TEX9: variants seen among roughly 807,000 people sequenced by gnomAD.
TEX9 encodes testis-expressed protein 9.
A neutral mutation model predicts 59.6 loss-of-function variants in TEX9; 74 were observed. The ratio of observed to expected loss-of-function variants is 1.24; its 90% confidence interval spans 1.03 to 1.51. The LOEUF (loss-of-function observed/expected upper bound fraction) is 1.51. TEX9 is among the 40% of genes most tolerant of loss of function. The pLI is 0.00. For missense variants in TEX9, 522 were observed against 447.8 expected, an observed-to-expected ratio of 1.17 and a Z score of -1.49; for synonymous variants, 186 against 152.2, an observed-to-expected ratio of 1.22 and a Z score of -1.64.
chr15:56,247,256 A>T lies in TEX9; in HGVS notation c.-107+2978A>T, dbSNP rs76060485. Among the ~76,000 whole-genome samples, 36 of 152,356 alleles carry T rather than the reference A, an allele frequency of 2.4e-4. No homozygotes were observed. In the East Asian group the frequency reaches 2.9e-3, roughly 12 times the overall value. Reference sequence around the variant, plus strand: ...AGTATTGGGCACGGAAAATATGAATAAATAAGACCTGGCCCCAACTTGAAG... The same window carrying T: ...AGTATTGGGCACGGAAAATATGAATTAATAAGACCTGGCCCCAACTTGAAG... On this transcript the variant is annotated intron_variant, in intron 1 of 5. Coordinates refer to the TEX9 transcript ENST00000560827.
At position 56,330,541 on chromosome 15, in the gene TEX9, T is replaced by C. The variant is rs147699873; in HGVS notation, c.-106-42900T>C. On this transcript the variant is annotated intron_variant, in intron 1 of 5. Coordinates refer to the TEX9 transcript ENST00000560827. The stretch of plus-strand genomic sequence containing the variant: ...AGGTAAAAAAGTAGAGGAACAAAAT[T>C]AGAAATTTTATTAGTTTTCTTTTTG... Among the ~76,000 whole-genome samples the C allele has an allele frequency of 2.9e-3, 440 of 152,178 alleles. 4 individuals carry two copies. Among genetic ancestry groups the C allele is most frequent in the African/African-American group, 0.01 (420 of 41,536 alleles).
chr15:56,320,227 T>C (rs975135037), intron 1 of TEX9, among the ~76,000 whole-genome samples: 9 of 152,250 alleles, frequency 5.9e-5, no homozygotes, highest in Admixed American at 2.0e-4. Flanking sequence ...TATTCTCTGC[T>C]GAAGTGTAAG....
rs546307291 is a variant in TEX9 at position 56,356,569 on chromosome 15, A to T, written c.-106-16872A>T. Among the ~76,000 whole-genome samples the T allele has an allele frequency of 2.7e-3, 412 of 152,204 alleles. 3 individuals carry two copies. The highest frequency in any genetic ancestry group is 9.5e-3 in the African/African-American group (396 of 41,526). On this transcript the variant is annotated intron_variant, in intron 1 of 5. Transcript: ENST00000560827. ...TCTCTTAGGTTTTATTTATCTAAAG[A>T]TATCTTTATTTCACCCTCATCTTGC...
At chr15:56,268,683 T>C (rs186786906) in intron 1 of TEX9, among the ~76,000 whole-genome samples, 10 of 152,310 alleles carry the variant, frequency 6.6e-5, no homozygotes, top group African/African-American at 2.2e-4. Flanking sequence ...GCCAACTTGA[T>C]CTCGGTGGAT....
chr15:56,399,825 G>C (rs1214886715), intron 9 of TEX9, among the ~76,000 whole-genome samples: 1 of 152,194 alleles, frequency 6.6e-6, no homozygotes, highest in Non-Finnish European at 1.5e-5. Context: ...GCCTCCGTGG[G>C]TGATACCCAG....
intron 10 of TEX9, among the ~76,000 whole-genome samples, chr15:56,426,123 A>G (rs2140271255): frequency 6.6e-6 from 1 of 152,256 alleles, no homozygotes; most frequent in South Asian, 2.1e-4. Context: ...AGTGGTACCA[A>G]CCACCTGTTT....
At chr15:56,335,672 A>T (rs2046243688) in intron 1 of TEX9, among the ~76,000 whole-genome samples, 2 of 152,208 alleles carry the variant, frequency 1.3e-5, no homozygotes, top group Non-Finnish European at 2.9e-5. Flanking sequence ...GGTAACACGA[A>T]GTACAAATGT....
At chr15:56,367,779 A>G (rs1164585617) in intron 2 of TEX9, among the ~76,000 whole-genome samples, 1 of 152,174 alleles carries the variant, frequency 6.6e-6, no homozygotes, top group Non-Finnish European at 1.5e-5. Context: ...GCTTCAAGGT[A>G]CTGAATAGTT....
At chr15:56,443,557 A>C in intron 12 of TEX9, 6 of 1,573,590 alleles carry the variant, frequency 3.8e-6, no homozygotes, top group Non-Finnish European at 5.2e-6. Flanking sequence ...TTTTTAAAAA[A>C]CATAAATATT....
At chr15:56,287,840 A>G (rs1444116007) in intron 1 of TEX9, among the ~76,000 whole-genome samples, 1 of 152,214 alleles carries the variant, frequency 6.6e-6, no homozygotes, top group Non-Finnish European at 1.5e-5. Flanking sequence ...ATGTTGTCAC[A>G]AATGACAGGG....
At chr15:56,263,042 G>A (rs1168371626) in intron 1 of TEX9, among the ~76,000 whole-genome samples, 2 of 151,754 alleles carry the variant, frequency 1.3e-5, no homozygotes, top group African/African-American at 2.4e-5. Context: ...TTTGTTTTTT[G>A]AGACGGAGTT....
the TEX9 span, among the ~76,000 whole-genome samples, chr15:56,454,324 T>C: frequency 6.6e-6 from 1 of 151,988 alleles, no homozygotes; most frequent in Non-Finnish European, 1.5e-5. Flanking sequence ...GGGGTATCCA[T>C]CCCCTCAAGC....
chr15:56,276,023 C>T (rs2044659387), intron 1 of TEX9, among the ~76,000 whole-genome samples: 1 of 152,048 alleles, frequency 6.6e-6, no homozygotes. Context: ...CCTGTTGCTT[C>T]TTTGAAGGCA....
At chr15:56,344,215 A>G (rs971452893) in intron 1 of TEX9, among the ~76,000 whole-genome samples, 4 of 152,350 alleles carry the variant, frequency 2.6e-5, no homozygotes, top group South Asian at 4.1e-4. Flanking sequence ...AAGCTTGCAC[A>G]TGAATGTTCA....
chr15:56,256,749 A>T (rs1021188273), intron 1 of TEX9, among the ~76,000 whole-genome samples: 57 of 152,192 alleles, frequency 3.7e-4, no homozygotes, highest in African/African-American at 1.3e-3. Flanking sequence ...ACTGAATTTA[A>T]GCTAATTTTT....
chr15:56,406,237 T>C lies in TEX9; in HGVS notation c.829-6065T>C, dbSNP rs559603098. Among the ~76,000 whole-genome samples, 4 of 152,278 alleles carry C rather than the reference T, an allele frequency of 2.6e-5. No individual in the cohort carries two copies. The East Asian group carries it at 7.7e-4, about 29-fold the overall frequency. ...TGGACTTTTGTATATCTGGCTATTT[T>C]TCTTCAGCATAACATTTTTAAGGTT... is the stretch of plus-strand genomic sequence containing the variant. On this transcript the variant is annotated intron_variant, in intron 9 of 12. Transcript: ENST00000352903.
intron 2 of TEX9, among the ~76,000 whole-genome samples, chr15:56,368,395 T>G (rs532705424): frequency 6.6e-6 from 1 of 152,112 alleles, no homozygotes; most frequent in Admixed American, 6.5e-5. Flanking sequence ...TCTCTACTTC[T>G]TTTCCTTTCT....
At chr15:56,284,027 A>C (rs1020899197) in intron 1 of TEX9, among the ~76,000 whole-genome samples, 22 of 152,240 alleles carry the variant, frequency 1.4e-4, no homozygotes, top group Non-Finnish European at 1.3e-4. Flanking sequence ...TGCAATGTCT[A>C]ATATTATTAA....
At chr15:56,326,830 G>A (rs764346250) in intron 1 of TEX9, among the ~76,000 whole-genome samples, 78 of 152,110 alleles carry the variant, frequency 5.1e-4, no homozygotes, top group Non-Finnish European at 1.6e-4. Context: ...GGAATAAAAA[G>A]CCCTCAGGCA....
Sources: allele counts gnomAD v4.1 joint callset (sites outside exome capture counted in the v4.1 genomes callset), GRCh38; gene constraint gnomAD v4.1.1; transcripts MANE v1.5; gene names NCBI Gene and HGNC (gene_info 2026-07-23, HGNC 2026-07-21).